Variants in PCCA observed in about 807,000 individuals in gnomAD.
PCCA encodes the protein propionyl-CoA carboxylase subunit alpha.
A neutral mutation model predicts 101.3 loss-of-function variants in PCCA; 74 were observed. The observed-to-expected ratio is 0.73, with a 90% confidence interval of 0.61 to 0.89. PCCA has a LOEUF of 0.89. Among genes scored for constraint, PCCA ranks in the 40% least tolerant of loss-of-function variants. PCCA has a pLI of 0.00. For missense variants in PCCA, 891 were observed against 907.0 expected (o/e 0.98, Z 0.23); for synonymous variants, 294 against 313.6 (o/e 0.94, Z 0.66).
intron 13 of PCCA, among the ~76,000 whole-genome samples, chr13:100,302,413 A>T (rs1346741750): frequency 2.6e-5 from 4 of 151,910 alleles, no homozygotes; most frequent in Admixed American, 2.6e-4. Flanking sequence ...CATTCTTATG[A>T]CACTGAACCT....
At chr13:100,179,224 G>T (rs2056549369) in intron 6 of PCCA, among the ~76,000 whole-genome samples, 1 of 151,642 alleles carries the variant, frequency 6.6e-6, no homozygotes, top group Admixed American at 6.6e-5. Flanking sequence ...AAATAATTTT[G>T]ATCTTATAAT....
intron 21 of PCCA, among the ~76,000 whole-genome samples, chr13:100,510,109 T>A (rs896627093): frequency 1.3e-5 from 2 of 152,232 alleles, no homozygotes; most frequent in African/African-American, 4.8e-5. Flanking sequence ...ATTTGTGTTT[T>A]TAAAAAGGAA....
At chr13:100,326,931 A>G (rs2068758103) in intron 16 of PCCA, among the ~76,000 whole-genome samples, 1 of 152,172 alleles carries the variant, frequency 6.6e-6, no homozygotes, top group South Asian at 2.1e-4. Flanking sequence ...CAAAAGTTAT[A>G]TATGGATTTC....
intron 6 of PCCA, among the ~76,000 whole-genome samples, chr13:100,189,969 T>C (rs2057625211): frequency 6.6e-6 from 1 of 152,194 alleles, no homozygotes; most frequent in African/African-American, 2.4e-5. Flanking sequence ...CCAAATCCCT[T>C]TAGGGTTTTG....
At chr13:100,217,455 A>AAG (rs1259945437) in intron 7 of PCCA, among the ~76,000 whole-genome samples, 1 of 151,952 alleles carries the variant, frequency 6.6e-6, no homozygotes, top group East Asian at 1.9e-4. Context: ...AAAAAAAAAA[A>AAG]ATTAAATAGA....
chr13:100,285,728 A>T (rs189192545), intron 12 of PCCA, among the ~76,000 whole-genome samples: 2 of 152,140 alleles, frequency 1.3e-5, no homozygotes, highest in African/African-American at 4.8e-5. Flanking sequence ...TGGGGAACCA[A>T]TTGACCATGA....
intron 12 of PCCA, among the ~76,000 whole-genome samples, chr13:100,278,969 G>A (rs1197070943): frequency 6.6e-6 from 1 of 152,110 alleles, no homozygotes; most frequent in Admixed American, 6.5e-5. Flanking sequence ...GACAAAAATT[G>A]TGAATCATTA....
intron 8 of PCCA, among the ~76,000 whole-genome samples, chr13:100,243,409 C>A (rs2061262617): frequency 6.6e-6 from 1 of 152,128 alleles, no homozygotes; most frequent in African/African-American, 2.4e-5. Flanking sequence ...TAATTTTCTC[C>A]CTTTTCCCCC....
At chr13:100,391,110 C>T (rs928839771) in intron 19 of PCCA, among the ~76,000 whole-genome samples, 5 of 152,176 alleles carry the variant, frequency 3.3e-5, no homozygotes, top group South Asian at 2.1e-4. Flanking sequence ...CTCCACCTCC[C>T]GAGTTCAAGT....
intron 8 of PCCA, among the ~76,000 whole-genome samples, chr13:100,237,648 C>G (rs2152524780): frequency 6.6e-6 from 1 of 152,234 alleles, no homozygotes; most frequent in South Asian, 2.1e-4. Flanking sequence ...TCCTGTCAGA[C>G]ATCTTTACAT....
At chr13:100,309,965 A>G (rs556884836) in intron 16 of PCCA, 57 bp downstream of exon 16, 6 of 1,226,812 alleles carry the variant, frequency 4.9e-6, no homozygotes, top group Non-Finnish European at 6.0e-6. Context: ...GTTCCAGAGA[A>G]CAGCCTGGGG....
intron 4 of PCCA, among the ~76,000 whole-genome samples, chr13:100,141,983 T>C (rs1594329949): frequency 6.6e-6 from 1 of 152,190 alleles, no homozygotes; most frequent in Non-Finnish European, 1.5e-5. Context: ...TAGGAACTAA[T>C]GTTTTGGGAA....
At chr13:100,416,737 C>G (rs2078394034) in intron 19 of PCCA, among the ~76,000 whole-genome samples, 1 of 151,980 alleles carries the variant, frequency 6.6e-6, no homozygotes, top group African/African-American at 2.4e-5. Context: ...CTTGGCCAGG[C>G]TGGTCTCAAA....
chr13:100,357,268 A>G (rs772447492), intron 18 of PCCA, among the ~76,000 whole-genome samples: 1 of 152,202 alleles, frequency 6.6e-6, no homozygotes, highest in Non-Finnish European at 1.5e-5. Context: ...TGTTTTCCTA[A>G]TGGTATAATA....
chr13:100,508,152 G>T (rs1171341934), intron 21 of PCCA, among the ~76,000 whole-genome samples: 1 of 152,072 alleles, frequency 6.6e-6, no homozygotes, highest in African/African-American at 2.4e-5. Flanking sequence ...AAGCAAGCCC[G>T]AGATACACAC....
chr13:100,138,245 T>A (rs1360614562), intron 4 of PCCA, among the ~76,000 whole-genome samples: 2 of 152,240 alleles, frequency 1.3e-5, no homozygotes, highest in Non-Finnish European at 2.9e-5. Flanking sequence ...TTATTGTGTT[T>A]ATGACTATCT....
chr13:100,312,826 C>T (rs2067029691), intron 16 of PCCA, among the ~76,000 whole-genome samples: 1 of 152,204 alleles, frequency 6.6e-6, no homozygotes, highest in African/African-American at 2.4e-5. Context: ...TCTCATATCA[C>T]TTGAACCATC....
At chr13:100,144,442 G>A (rs2052286971) in intron 4 of PCCA, among the ~76,000 whole-genome samples, 1 of 152,050 alleles carries the variant, frequency 6.6e-6, no homozygotes, top group Non-Finnish European at 1.5e-5. Flanking sequence ...ATAAATAGAG[G>A]AATGGCTGTA....
At chr13:100,343,100 G>A (rs2071639456) in intron 18 of PCCA, among the ~76,000 whole-genome samples, 1 of 152,154 alleles carries the variant, frequency 6.6e-6, no homozygotes, top group Admixed American at 6.5e-5. Flanking sequence ...GGAGGCTGAG[G>A]CAGGAGAATT....
Sources: allele counts gnomAD v4.1 joint callset (sites outside exome capture counted in the v4.1 genomes callset), GRCh38; gene constraint gnomAD v4.1.1; transcripts MANE v1.5; gene names NCBI Gene and HGNC (gene_info 2026-07-23, HGNC 2026-07-21).